Variants in CARMIL1 observed in about 807,000 individuals in gnomAD.
The protein encoded by CARMIL1 is capping protein regulator and myosin 1 linker 1, also known as F-actin-uncapping protein LRRC16A.
CARMIL1 carries 90 observed loss-of-function variants against 177.1 expected under a neutral mutation model. The observed-to-expected ratio is 0.51, with a 90% CI of 0.43 to 0.61. The LOEUF is 0.61. CARMIL1 is among the 20% of genes least tolerant of loss of function. The probability of loss-of-function intolerance (pLI) is 0.00; values close to 1 mark genes in which losing one functional copy is unlikely to be tolerated. For missense variants in CARMIL1, 1,380 were observed against 1,667.0 expected (o/e 0.83, Z 3.00); for synonymous variants, 577 against 606.2 (o/e 0.95, Z 0.71).
chr6:25,362,762 C>T (rs1004760869), intron 2 of CARMIL1, among the ~76,000 whole-genome samples: 2 of 152,064 alleles, frequency 1.3e-5, no homozygotes, highest in East Asian at 3.9e-4. Flanking sequence ...GGGCTGGGCA[C>T]AGTGGCTCAC....
intron 2 of CARMIL1, among the ~76,000 whole-genome samples, chr6:25,390,316 A>ATTTTTT (rs1316087000): frequency 1.4e-4 from 6 of 42,208 alleles, no homozygotes; most frequent in South Asian, 9.6e-4. Flanking sequence ...ATATATATAT[A>ATTTTTT]TATATTTTTT....
chr6:25,563,297 G>C (rs1811293225), intron 29 of CARMIL1: 1 of 985,212 alleles, frequency 1.0e-6, no homozygotes, highest in Admixed American at 6.1e-5. Context: ...TTTCCAGTTA[G>C]AATAAAAGAT....
intron 2 of CARMIL1, among the ~76,000 whole-genome samples, chr6:25,309,133 C>T (rs560949039): frequency 2.0e-5 from 3 of 152,226 alleles, no homozygotes; most frequent in African/African-American, 7.2e-5. Flanking sequence ...AGTGATCCTC[C>T]CGCCTAGGCC....
At chr6:25,329,681 A>G (rs1785431054) in intron 2 of CARMIL1, among the ~76,000 whole-genome samples, 1 of 152,220 alleles carries the variant, frequency 6.6e-6, no homozygotes, top group South Asian at 2.1e-4. Flanking sequence ...AAGAATTCTG[A>G]TTACCTCATC....
intron 2 of CARMIL1, among the ~76,000 whole-genome samples, chr6:25,351,718 G>A (rs561906619): frequency 1.4e-4 from 21 of 152,218 alleles, no homozygotes; most frequent in Admixed American, 1.2e-3. Flanking sequence ...ACTTGACCTT[G>A]GGTCAATTAT....
intron 2 of CARMIL1, among the ~76,000 whole-genome samples, chr6:25,287,878 T>A (rs1465931305): frequency 6.6e-6 from 1 of 152,208 alleles, no homozygotes; most frequent in Non-Finnish European, 1.5e-5. Context: ...AGTCTCTCTG[T>A]CTTTGATTGA....
At chr6:25,605,087 T>G (rs1392833440) in intron 34 of CARMIL1, among the ~76,000 whole-genome samples, 194 bp downstream of exon 34, 4 of 152,216 alleles carry the variant, frequency 2.6e-5, no homozygotes, top group African/African-American at 9.7e-5. Context: ...CCTGCCCCAC[T>G]GTAGCATTGT....
intron 5 of CARMIL1, among the ~76,000 whole-genome samples, chr6:25,440,439 C>T (rs924801992): frequency 6.6e-6 from 1 of 152,220 alleles, no homozygotes; most frequent in Admixed American, 6.5e-5. Flanking sequence ...ATTTGACTTG[C>T]ATTCCTCTTT....
chr6:25,441,393 G>A (rs1341350858), intron 5 of CARMIL1, among the ~76,000 whole-genome samples: 1 of 147,946 alleles, frequency 6.8e-6, no homozygotes, highest in Non-Finnish European at 1.5e-5. Context: ...GTGTGTGTAT[G>A]TATATGTAAT....
chr6:25,592,423 A>C (rs3804118), intron 31 of CARMIL1, among the ~76,000 whole-genome samples: 40,383 of 152,136 alleles, frequency 0.27, 5,507 homozygotes, highest in East Asian at 0.32. Flanking sequence ...TTTGTAATCA[A>C]AGTTTTTCAG....
At chr6:25,334,605 C>T (rs1369080848) in intron 2 of CARMIL1, among the ~76,000 whole-genome samples, 1 of 152,156 alleles carries the variant, frequency 6.6e-6, no homozygotes, top group Non-Finnish European at 1.5e-5. Flanking sequence ...ACCTTTTCAA[C>T]TAGGTACTTG....
At chr6:25,280,803 C>T (rs886434227) in intron 1 of CARMIL1, among the ~76,000 whole-genome samples, 3 of 152,154 alleles carry the variant, frequency 2.0e-5, no homozygotes, top group Middle Eastern at 3.4e-3. Flanking sequence ...CCTATATTCC[C>T]TCCTGTACCA....
chr6:25,292,779 G>A (rs1267612569), intron 2 of CARMIL1, among the ~76,000 whole-genome samples: 1 of 152,094 alleles, frequency 6.6e-6, no homozygotes, highest in Non-Finnish European at 1.5e-5. Context: ...GGGCAATTAG[G>A]TATATACCCT....
chr6:25,533,306 T>G (rs12526480), intron 24 of CARMIL1, among the ~76,000 whole-genome samples: 48,523 of 151,990 alleles, frequency 0.32, 7,917 homozygotes, highest in South Asian at 0.35. Context: ...AATATTATGG[T>G]TAAGAACTTG....
At chr6:25,282,195 A>G (rs1252877445) in intron 1 of CARMIL1, among the ~76,000 whole-genome samples, 1 of 151,596 alleles carries the variant, frequency 6.6e-6, no homozygotes, top group Non-Finnish European at 1.5e-5. Flanking sequence ...AGAAGACTAT[A>G]TGTCACTCCT....
chr6:25,586,608 G>C (rs1813731257), intron 31 of CARMIL1, among the ~76,000 whole-genome samples: 1 of 151,930 alleles, frequency 6.6e-6, no homozygotes, highest in South Asian at 2.1e-4. Flanking sequence ...GCAGGCGGCT[G>C]GGAGGTGGAG....
At chr6:25,334,767 G>T (rs1241950291) in intron 2 of CARMIL1, among the ~76,000 whole-genome samples, 1 of 152,202 alleles carries the variant, frequency 6.6e-6, no homozygotes, top group Non-Finnish European at 1.5e-5. Flanking sequence ...ACTAAGCACA[G>T]TGTTAACCTG....
intron 2 of CARMIL1, among the ~76,000 whole-genome samples, chr6:25,369,586 G>A (rs2150427014): frequency 6.6e-6 from 1 of 152,072 alleles, no homozygotes; most frequent in East Asian, 1.9e-4. Flanking sequence ...ATGTATCGAG[G>A]TGGCAAATTC....
At chr6:25,387,056 C>T (rs1011041706) in intron 2 of CARMIL1, among the ~76,000 whole-genome samples, 3 of 143,300 alleles carry the variant, frequency 2.1e-5, no homozygotes, top group Admixed American at 7.3e-5. Flanking sequence ...TTTGAACCTG[C>T]GAGGCCGAGA....
Sources: allele counts gnomAD v4.1 joint callset (sites outside exome capture counted in the v4.1 genomes callset), GRCh38; gene constraint gnomAD v4.1.1; transcripts MANE v1.5; gene names NCBI Gene and HGNC (gene_info 2026-07-23, HGNC 2026-07-21).